The following PRDM11 variants were observed in gnomAD, a reference collection of about 807,000 sequenced individuals.
The protein encoded by PRDM11 is PR domain-containing protein 11.
Under a neutral mutation model 97.8 loss-of-function variants are expected in PRDM11, and 20 were observed. That is an observed-to-expected ratio of 0.20 (90% CI 0.14 to 0.30). The LOEUF (loss-of-function observed/expected upper bound fraction) is 0.30, where lower values mean the gene tolerates loss of function less well. Ranked by LOEUF, PRDM11 falls within the 10% of genes least tolerant of loss-of-function variation. The pLI is 1.00. For missense variants in PRDM11, 1,139 were observed against 1,555.2 expected (o/e 0.73, Z 4.50); for synonymous variants, 599 against 637.7 (o/e 0.94, Z 0.91).
Position 45,227,217 on chromosome 11 carries a change from CGCACTGGCCCT to C in PRDM11, c.2595_2605del (p.Leu866AlafsTer41). The C allele has an allele frequency of 6.5e-7, 1 of 1,533,980 alleles. No individual in the cohort carries two copies. Among genetic ancestry groups the C allele is most frequent in the Non-Finnish European group, 8.7e-7 (1 of 1,146,730 alleles). ...CCCAGCGGGCAGACGCCTCGGCCAT[CGCACTGGCCCT>C]GCTGCAGTTCCTCATGGACTACCAG... is the stretch of plus-strand genomic sequence containing the variant. On this transcript the variant is annotated frameshift_variant, in exon 8 of 8. Coordinates refer to ENST00000683152, the MANE Select transcript of PRDM11 (RefSeq NM_001384648.1). LOFTEE classifies it high-confidence loss of function. This position sits in a 1 kb window ranked among gnomAD's most constrained non-coding sequence, Gnocchi z 8.0.
chr11:45,208,898 T>G (rs1457161485), intron 5 of PRDM11: 3 of 453,932 alleles, frequency 6.6e-6, no homozygotes, highest in African/African-American at 6.0e-5. Flanking sequence ...TGGCTGAGCG[T>G]AAGAGGAAGC....
At chr11:45,100,644 G>T (rs1565219014) in intron 1 of PRDM11, among the ~76,000 whole-genome samples, 2 of 152,212 alleles carry the variant, frequency 1.3e-5, no homozygotes. Flanking sequence ...CATCAGAGAG[G>T]TTATTTGCAT....
intron 1 of PRDM11, among the ~76,000 whole-genome samples, chr11:45,176,015 A>G (rs1346552974): frequency 6.6e-6 from 1 of 151,978 alleles, no homozygotes; most frequent in Non-Finnish European, 1.5e-5. Flanking sequence ...TGAGGTAAGC[A>G]TCTTCAGAGC....
chr11:45,121,932 C>CATTT (rs2135628642), intron 1 of PRDM11, among the ~76,000 whole-genome samples: 1 of 152,104 alleles, frequency 6.6e-6, no homozygotes, highest in African/African-American at 2.4e-5. Context: ...GTTACAGAAA[C>CATTT]ATTTATAGCC....
chr11:45,209,391 T>C (rs1853636997), intron 5 of PRDM11: 3 of 335,946 alleles, frequency 8.9e-6, no homozygotes, highest in South Asian at 6.8e-5. Flanking sequence ...GGTTCTCTCC[T>C]GTCCCTCTCT....
intron 1 of PRDM11, among the ~76,000 whole-genome samples, chr11:45,122,055 G>C (rs1374141849): frequency 6.6e-6 from 1 of 151,684 alleles, no homozygotes; most frequent in Non-Finnish European, 1.5e-5. Flanking sequence ...TGGAAGGAAA[G>C]AAATAGTAAA....
intron 1 of PRDM11, among the ~76,000 whole-genome samples, chr11:45,138,232 A>G (rs538598572): frequency 7.9e-5 from 12 of 152,334 alleles, no homozygotes; most frequent in South Asian, 6.2e-4. Context: ...GAAGGAAAAA[A>G]AGATATTCTT....
intron 1 of PRDM11, among the ~76,000 whole-genome samples, chr11:45,110,822 G>C (rs1048924027): frequency 3.9e-5 from 6 of 152,160 alleles, no homozygotes; most frequent in Admixed American, 3.3e-4. Flanking sequence ...CCAAACAAGA[G>C]GCGCCTTTCT....
intron 1 of PRDM11, among the ~76,000 whole-genome samples, chr11:45,177,309 G>A (rs1452899722): frequency 6.6e-6 from 1 of 152,244 alleles, no homozygotes; most frequent in Non-Finnish European, 1.5e-5. Context: ...GGAGCCAGCT[G>A]AGAGGGAGCA....
intron 1 of PRDM11, among the ~76,000 whole-genome samples, chr11:45,124,411 G>C (rs959882316): frequency 5.9e-5 from 9 of 152,112 alleles, no homozygotes; most frequent in South Asian, 4.1e-4. Flanking sequence ...GGGCATCCCT[G>C]TCTTGTGCCA....
exon 1 of PRDM11, chr11:45,095,819 C>A: frequency 1.3e-6 from 1 of 770,084 alleles, no homozygotes; most frequent in South Asian, 1.4e-5. Flanking sequence ...TTGAAGATGG[C>A]AGAGCCAATT....
chr11:45,226,205 TGTG>T lies in PRDM11; in HGVS notation c.1584_1586del (p.Trp528del). The T allele has an allele frequency of 6.5e-7, 1 of 1,533,772 alleles. No homozygotes were observed. The highest frequency in any genetic ancestry group is 1.2e-5 in the South Asian group (1 of 83,970). ...CGGTACTCCCCAACCCTCAATGAGA[TGTG>T]GTGCCACGTCTGCCGCCAGTACACG... On this transcript the variant is annotated inframe_deletion, in exon 8 of 8. Coordinates refer to ENST00000683152, the MANE Select transcript of PRDM11 (RefSeq NM_001384648.1).
At position 45,201,971 on chromosome 11, in the gene PRDM11, C is replaced by CA. The variant is rs200857827; in HGVS notation, c.487-2728dup. ...TGGGTGATGGAGCGAGACTCTGTCT[C>CA]AAAAAAAAAAAATTCTTTGTAGAGA... is the stretch of plus-strand genomic sequence containing the variant. On this transcript the variant is annotated intron_variant, in intron 4 of 7. Transcript: ENST00000683152. 4.8e-3 allele frequency among the ~76,000 whole-genome samples: 692 copies of CA among 144,228 alleles called. 8 individuals carry two copies. Among genetic ancestry groups the CA allele is most frequent in the African/African-American group, 0.016 (623 of 39,440 alleles). The allele number at this position is 144,228 out of a possible 152,430, so 94.6% of individuals were successfully genotyped here.
intron 1 of PRDM11, among the ~76,000 whole-genome samples, chr11:45,096,677 C>G (rs1051886648): frequency 6.6e-6 from 1 of 152,198 alleles, no homozygotes; most frequent in Non-Finnish European, 1.5e-5. Context: ...TCCCAAGCAG[C>G]CTCTTCACTG....
intron 5 of PRDM11, among the ~76,000 whole-genome samples, chr11:45,217,324 T>G (rs1394034287): frequency 6.6e-6 from 1 of 152,154 alleles, no homozygotes. Context: ...CTTAAGTCCT[T>G]TGTTAATAAC....
At chr11:45,182,544 T>C (rs1284301585) in intron 3 of PRDM11, among the ~76,000 whole-genome samples, 195 bp downstream of exon 3, 3 of 152,204 alleles carry the variant, frequency 2.0e-5, no homozygotes, top group Non-Finnish European at 4.4e-5. Context: ...GATAGCACAC[T>C]GAGTCTTGGT....
chr11:45,226,947 C>A lies in PRDM11; in HGVS notation c.2322C>A (p.Ser774Arg). ...ACCTGGAGATCCTGGATGCCATCAG[C>A]GGGAAGGAGCTCCCATGCCTGGAGG... ...RPHLEILDAI[S>R]GKELPCLEEL... is the part of the protein sequence containing the mutation. Residue 774 changes from serine to arginine, a missense_variant, in exon 8 of 8, where the codon AGC (serine) becomes AGA (arginine). Transcript: ENST00000683152. The A allele has an allele frequency of 6.5e-7, 1 of 1,533,936 alleles. No individual in the cohort carries two copies. The highest frequency in any genetic ancestry group is 8.7e-7 in the Non-Finnish European group (1 of 1,146,724).
chr11:45,168,781 G>C (rs1852130864), intron 1 of PRDM11, among the ~76,000 whole-genome samples: 1 of 151,886 alleles, frequency 6.6e-6, no homozygotes, highest in Non-Finnish European at 1.5e-5. Context: ...GGACAGCTCT[G>C]ATTCTCCTTA....
Position 45,227,378 on chromosome 11 carries a change from A to T in PRDM11, c.2753A>T (p.Glu918Val). 6.5e-7 allele frequency: 1 copy of T among 1,533,920 alleles called. No individual in the cohort carries two copies. The highest frequency in any genetic ancestry group is 8.7e-7 in the Non-Finnish European group (1 of 1,146,714). Residue 918 changes from glutamate (E) to valine (V), a missense_variant, in exon 8 of 8, where the codon GAG (glutamate) becomes GTG (valine). Physicochemically the swap from Glu to Val is moderately radical, Grantham distance 121 (BLOSUM62 -2). This residue lies in a region of PRDM11 where 710 missense variants were observed against 1,044.9 expected (regional missense o/e 0.68). Transcript: ENST00000683152. This position sits in a 1 kb window ranked among gnomAD's most constrained non-coding sequence, Gnocchi z 8.0. ...GACAAGATCGAGGAGGCCATCCAGGAGATCAGCCGGCTGGCTGACTCCCCG... is the reference window on the plus strand; with the variant it reads ...GACAAGATCGAGGAGGCCATCCAGGTGATCAGCCGGCTGGCTGACTCCCCG... ...VDDKIEEAIQEISRLADSPGE... is the reference protein window; with the variant it reads ...VDDKIEEAIQVISRLADSPGE...
Sources: gnomAD v4.1 joint callset for allele counts (sites outside exome capture counted in the v4.1 genomes callset) on GRCh38, gnomAD v4.1.1 for gene constraint, gnomAD v4.1.1 regional missense constraint, Gnocchi (gnomAD v3.1) non-coding constraint, MANE v1.5 for transcripts, NCBI Gene and HGNC (gene_info 2026-07-23, HGNC 2026-07-21) for gene names.